The following AASDH variants were observed in gnomAD, a reference collection of about 807,000 sequenced individuals.
AASDH encodes aminoadipate-semialdehyde dehydrogenase.
Under a neutral mutation model 102.3 loss-of-function variants are expected in AASDH, and 81 were observed. That is an observed-to-expected ratio of 0.79 (90% CI 0.66 to 0.95). The LOEUF (loss-of-function observed/expected upper bound fraction) is 0.95, where lower values mean the gene tolerates loss of function less well. Ranked by LOEUF, AASDH falls within the 40% of genes least tolerant of loss-of-function variation. The probability of loss-of-function intolerance (pLI) is 0.00; values close to 1 mark genes in which losing one functional copy is unlikely to be tolerated. For missense variants in AASDH, 1,203 were observed against 1,266.2 expected (o/e 0.95, Z 0.76); for synonymous variants, 398 against 454.0 (o/e 0.88, Z 1.57).
intron 10 of AASDH, among the ~76,000 whole-genome samples, 198 bp downstream of exon 10, chr4:56,351,144 G>A (rs1748952419): frequency 6.6e-6 from 1 of 151,956 alleles, no homozygotes; most frequent in African/African-American, 2.4e-5. Flanking sequence ...TTTCTTTGTC[G>A]GAAACTTAAT....
In AASDH at chr4:56,352,228, C is replaced by T. The variant is rs556772511; in HGVS notation, c.1577-771G>A. Reference sequence around the variant, plus strand: ...ATTGTATGTGTCAATGTGGGTGGGCCACAGGGTGCCCAGATTAACCATTTT... The same window carrying T: ...ATTGTATGTGTCAATGTGGGTGGGCTACAGGGTGCCCAGATTAACCATTTT... On this transcript the variant is annotated intron_variant, in intron 9 of 14. Coordinates refer to ENST00000205214, the MANE Select transcript of AASDH (RefSeq NM_181806.4). Among the ~76,000 whole-genome samples, 7 of 152,114 alleles carry T rather than the reference C, an allele frequency of 4.6e-5. No individual in the cohort carries two copies. The East Asian group carries it at 1.4e-3, about 29-fold the overall frequency.
At chr4:56,380,052 T>A (rs1752789467) in intron 3 of AASDH, among the ~76,000 whole-genome samples, 1 of 152,226 alleles carries the variant, frequency 6.6e-6, no homozygotes. Flanking sequence ...TTCTGCTAAG[T>A]GAGAACCATT....
chr4:56,355,732 C>T (rs1484125798), intron 5 of AASDH, among the ~76,000 whole-genome samples: 1 of 151,708 alleles, frequency 6.6e-6, no homozygotes, highest in Non-Finnish European at 1.5e-5. Context: ...CATCATCCCA[C>T]CTCAGCCTCC....
In AASDH at chr4:56,386,948, T is replaced by C. The variant is rs184808244; in HGVS notation, c.-43+414A>G. On this transcript the variant is annotated intron_variant, in intron 1 of 14. Coordinates refer to ENST00000205214, the MANE Select transcript of AASDH (RefSeq NM_181806.4). ...TAAGAGTGTCAGCAAATTCAATTGC[T>C]ATGGGGCCTCTCTCTAGGCCACTGG... Among the ~76,000 whole-genome samples the C allele has an allele frequency of 3.0e-4, 46 of 152,242 alleles. No homozygotes were observed. In the East Asian group the frequency reaches 8.5e-3, roughly 28 times the overall value.
intron 5 of AASDH, chr4:56,356,340 C>G: frequency 6.4e-7 from 1 of 1,570,370 alleles, no homozygotes; most frequent in Non-Finnish European, 8.7e-7. Context: ...AGAGCCATCC[C>G]TCAATAAGCG....
intron 11 of AASDH, among the ~76,000 whole-genome samples, chr4:56,345,521 T>C (rs767502573): frequency 1.8e-4 from 27 of 152,218 alleles, no homozygotes; most frequent in Non-Finnish European, 3.7e-4. Flanking sequence ...TCACTAATTT[T>C]TTTACATACT....
chr4:56,338,308 A>C lies in AASDH; in HGVS notation c.*94T>G, dbSNP rs1747089291. ...GTTTCCGTTTCTTAGCCAAAATATA[A>C]TCTTCTTTAATATAAAATAAGTCCA... is the stretch of plus-strand genomic sequence containing the variant. On this transcript the variant is annotated 3_prime_UTR_variant, in exon 15 of 15. Coordinates refer to ENST00000205214, the MANE Select transcript of AASDH (RefSeq NM_181806.4). The C allele has an allele frequency of 1.9e-6, 2 of 1,054,224 alleles. No homozygotes were observed. Among genetic ancestry groups the C allele is most frequent in the Non-Finnish European group, 2.7e-6 (2 of 753,742 alleles). 65.3% of individuals were successfully genotyped at this position (1,054,224 alleles called of 1,614,324 possible). A position where few individuals can be genotyped will look rare whatever the true frequency, so the allele number is the denominator to read the frequency against.
At chr4:56,377,146 C>A (rs1321275377) in intron 4 of AASDH, among the ~76,000 whole-genome samples, 4 of 151,868 alleles carry the variant, frequency 2.6e-5, no homozygotes, top group African/African-American at 2.4e-5. Context: ...TTCATTCATT[C>A]CATTTTACTT....
chr4:56,382,706 T>C, intron 2 of AASDH, 109 bp from the exon 3 acceptor site: 2 of 1,301,760 alleles, frequency 1.5e-6, no homozygotes, highest in Non-Finnish European at 2.1e-6. Context: ...AGCATAAAAA[T>C]GGTTTCCGGA....
At chr4:56,366,092 C>T (rs1487577028) in intron 5 of AASDH, among the ~76,000 whole-genome samples, 1 of 152,200 alleles carries the variant, frequency 6.6e-6, no homozygotes, top group Non-Finnish European at 1.5e-5. Context: ...CTATAAACAC[C>T]TCTATGCAAA....
intron 8 of AASDH, among the ~76,000 whole-genome samples, 155 bp downstream of exon 8, chr4:56,353,883 AG>A (rs2109892277): frequency 6.6e-6 from 1 of 152,340 alleles, no homozygotes; most frequent in Non-Finnish European, 1.5e-5. Flanking sequence ...GCTGGGGATA[AG>A]GGGCACCCTG....
intron 1 of AASDH, among the ~76,000 whole-genome samples, chr4:56,386,720 G>A (rs377041821): frequency 7.2e-6 from 1 of 139,692 alleles, no homozygotes; most frequent in Admixed American, 7.9e-5. Context: ...GTCAACCCGG[G>A]AAGCGGAGCT....
intron 5 of AASDH, among the ~76,000 whole-genome samples, chr4:56,369,740 G>C (rs1170440399): frequency 6.6e-6 from 1 of 151,782 alleles, no homozygotes; most frequent in Non-Finnish European, 1.5e-5. Flanking sequence ...AGGAGTTCAA[G>C]ACCAGCCTGG....
At chr4:56,338,817 T>TAATTC (rs768519913) in intron 14 of AASDH, 26 bp from the exon 15 acceptor site, 1 of 1,590,202 alleles carries the variant, frequency 6.3e-7, no homozygotes, top group Admixed American at 1.7e-5. Context: ...AAAATAAATA[T>TAATTC]AATTCATTCA....
chr4:56,375,991 C>T (rs1210607406), intron 4 of AASDH, among the ~76,000 whole-genome samples: 1 of 151,340 alleles, frequency 6.6e-6, no homozygotes, highest in African/African-American at 2.4e-5. Context: ...TCTACCAATT[C>T]CCCACCCTCA....
intron 3 of AASDH, among the ~76,000 whole-genome samples, chr4:56,381,376 G>C (rs1415099940): frequency 6.6e-6 from 1 of 152,100 alleles, no homozygotes; most frequent in Non-Finnish European, 1.5e-5. Flanking sequence ...TTCAAGACCA[G>C]CCTGGCCAAC....
intron 2 of AASDH, among the ~76,000 whole-genome samples, chr4:56,383,337 G>A (rs983250527): frequency 1.3e-5 from 2 of 152,036 alleles, no homozygotes; most frequent in Non-Finnish European, 2.9e-5. Context: ...GGGTGGTCTC[G>A]AACTCCTGGC....
At position 56,384,361 on chromosome 4, in the gene AASDH, T is replaced by G; in HGVS notation, c.-42-20A>C. 6.7e-7 allele frequency: 1 copy of G among 1,484,914 alleles called. No individual in the cohort carries two copies. Among genetic ancestry groups the G allele is most frequent in the Non-Finnish European group, 9.4e-7 (1 of 1,069,104 alleles). The allele number at this position is 1,484,914 out of a possible 1,614,324, so 92.0% of individuals were successfully genotyped here. A position where few individuals can be genotyped will look rare whatever the true frequency, so the allele number is the denominator to read the frequency against. On this transcript the variant is annotated intron_variant, in intron 1 of 14. Coordinates refer to ENST00000205214, the MANE Select transcript of AASDH (RefSeq NM_181806.4). Reference sequence around the variant, plus strand: ...AGAACCCTGTGTATATACAGAAGTGTTAGGGGGAGAGGGAGTTTTAGAGAG... The same window carrying G: ...AGAACCCTGTGTATATACAGAAGTGGTAGGGGGAGAGGGAGTTTTAGAGAG...
At chr4:56,383,975 C>G in intron 2 of AASDH, 95 bp downstream of exon 2, 1 of 1,051,826 alleles carries the variant, frequency 9.5e-7, no homozygotes, top group Non-Finnish European at 1.4e-6. Flanking sequence ...ATAGAAAAGT[C>G]CAATAGTAAA....
Sources: allele counts gnomAD v4.1 joint callset (sites outside exome capture counted in the v4.1 genomes callset), GRCh38; gene constraint gnomAD v4.1.1; transcripts MANE v1.5; gene names NCBI Gene and HGNC (gene_info 2026-07-23, HGNC 2026-07-21).